The following SLC17A5 variants were observed in gnomAD, a reference collection of about 807,000 sequenced individuals.
The protein encoded by SLC17A5 is sialin.
In SLC17A5, 47 loss-of-function variants were observed where a neutral mutation model predicts 59.4. That is an observed-to-expected ratio of 0.79 (90% confidence interval 0.63 to 1.01). The LOEUF is 1.01. SLC17A5 is among the 50% of genes least tolerant of loss of function. SLC17A5 has a pLI of 0.00. For missense variants in SLC17A5, 522 were observed against 595.5 expected, an observed-to-expected ratio of 0.88 and a Z score of 1.28; for synonymous variants, 202 against 210.7, an observed-to-expected ratio of 0.96 and a Z score of 0.36.
chr6:73,596,652 C>T (rs1247857712), intron 10 of SLC17A5, among the ~76,000 whole-genome samples: 4 of 150,712 alleles, frequency 2.7e-5, no homozygotes, highest in South Asian at 4.2e-4. Flanking sequence ...GTCAGGAGAT[C>T]GAGACCATCC....
At chr6:73,615,503 T>C (rs1767814875) in intron 7 of SLC17A5, 56 bp from the exon 8 acceptor site, 1 of 1,568,090 alleles carries the variant, frequency 6.4e-7, no homozygotes, top group Non-Finnish European at 8.8e-7. Context: ...AAACAAAACA[T>C]ACACATTCAT....
At chr6:73,618,103 C>A (rs1362166967) in intron 7 of SLC17A5, among the ~76,000 whole-genome samples, 1 of 151,682 alleles carries the variant, frequency 6.6e-6, no homozygotes, top group East Asian at 1.9e-4. Context: ...GTGGCACACA[C>A]CTGAAATCTC....
intron 9 of SLC17A5, among the ~76,000 whole-genome samples, chr6:73,603,147 T>G (rs1182149386): frequency 6.6e-6 from 1 of 152,164 alleles, no homozygotes; most frequent in African/African-American, 2.4e-5. Context: ...ATTACATTTT[T>G]TTTTTTGAGA....
chr6:73,608,775 G>C (rs1276106474), intron 9 of SLC17A5, among the ~76,000 whole-genome samples: 2 of 152,162 alleles, frequency 1.3e-5, no homozygotes, highest in African/African-American at 2.4e-5. Flanking sequence ...TAGCACTTCG[G>C]GGGGCTGAGG....
At chr6:73,640,876 A>G (rs1233225866) in intron 3 of SLC17A5, among the ~76,000 whole-genome samples, 2 of 152,238 alleles carry the variant, frequency 1.3e-5, no homozygotes, top group Non-Finnish European at 2.9e-5. Context: ...GCAGAATCAT[A>G]GAACTAAATT....
intron 8 of SLC17A5, among the ~76,000 whole-genome samples, chr6:73,612,528 T>TA (rs1265626489): frequency 6.6e-6 from 1 of 152,178 alleles, no homozygotes; most frequent in Non-Finnish European, 1.5e-5. Context: ...TGGAGACTTT[T>TA]AAAAAGTTAA....
chr6:73,612,163 C>A, intron 8 of SLC17A5, among the ~76,000 whole-genome samples: 1 of 151,534 alleles, frequency 6.6e-6, no homozygotes, highest in Non-Finnish European at 1.5e-5. Context: ...AAGGCATGTG[C>A]CACCATGCCT....
intron 7 of SLC17A5, among the ~76,000 whole-genome samples, chr6:73,620,155 T>A (rs1370740461): frequency 6.6e-6 from 1 of 152,092 alleles, no homozygotes; most frequent in Non-Finnish European, 1.5e-5. Context: ...ACTCCTGACC[T>A]CAAGTGATCC....
chr6:73,649,815 T>A (rs889361675), intron 1 of SLC17A5, among the ~76,000 whole-genome samples: 10 of 152,080 alleles, frequency 6.6e-5, no homozygotes, highest in African/African-American at 2.4e-4. Context: ...TTAGTTCTCA[T>A]TTGTGAGAAA....
At position 73,641,685 on chromosome 6, in the gene SLC17A5, A is replaced by G. The variant is rs1010125289; in HGVS notation, c.525+6T>C. The G allele has an allele frequency of 2.3e-5, 36 of 1,581,404 alleles. No individual in the cohort carries two copies. Among genetic ancestry groups the G allele is most frequent in the Non-Finnish European group, 3.0e-5 (35 of 1,157,094 alleles). ...AGAAGTAAAACAAGAGAGAAAAGAA[A>G]ATTACCTCTCCTAGTCCTTCTAGTG... On this transcript the variant is annotated splice_donor_region_variant and intron_variant, in intron 3 of 10. Coordinates refer to ENST00000355773, the MANE Select transcript of SLC17A5 (RefSeq NM_012434.5).
chr6:73,641,881 A>C lies in SLC17A5; in HGVS notation c.335T>G (p.Leu112Arg). Reference protein sequence around the residue: ...QWDAETQGWILGSFFYGYIIT... With the variant: ...QWDAETQGWIRGSFFYGYIIT... ...GATGTAGCCATAAAAAAAGGAACCG[A>C]GAATCCATCCTTGAGTTTCTGCATC... Residue 112 changes from leucine (L) to arginine (R), a missense_variant, in exon 3 of 11, where the codon CTC becomes CGC. Leu to Arg is a moderately radical substitution (Grantham distance 102). Coordinates refer to ENST00000355773, the MANE Select transcript of SLC17A5 (RefSeq NM_012434.5). The C allele has an allele frequency of 6.2e-7, 1 of 1,614,228 alleles. No individual in the cohort carries two copies.
intron 9 of SLC17A5, among the ~76,000 whole-genome samples, chr6:73,608,779 G>A (rs1205457366): frequency 1.3e-5 from 2 of 152,192 alleles, no homozygotes; most frequent in Non-Finnish European, 2.9e-5. Context: ...ACTTCGGGGG[G>A]CTGAGGCGGG....
intron 6 of SLC17A5, among the ~76,000 whole-genome samples, chr6:73,622,355 G>A (rs1283326435): frequency 1.3e-5 from 2 of 150,572 alleles, no homozygotes; most frequent in African/African-American, 2.4e-5. Flanking sequence ...AGGCTGGAGT[G>A]CAATGGCACA....
intron 10 of SLC17A5, among the ~76,000 whole-genome samples, chr6:73,597,862 G>A (rs1282109386): frequency 2.0e-5 from 3 of 151,846 alleles, no homozygotes; most frequent in Middle Eastern, 3.4e-3. Context: ...TGAAAGAGAA[G>A]GCACTGGGAA....
chr6:73,635,599 T>C, intron 5 of SLC17A5, 99 bp from the exon 6 acceptor site: 1 of 638,372 alleles, frequency 1.6e-6, no homozygotes, highest in South Asian at 1.9e-5. Context: ...AACAACAATT[T>C]TTACATGTCT....
In SLC17A5 at chr6:73,653,881, C is replaced by A; in HGVS notation, c.6G>T (p.Arg2Ser). Reference protein sequence around the residue: MRSPVRDLARND... With the variant: MSSPVRDLARND... ...TCCGGGCCAGGTCTCGAACCGGAGACCTCATGACGCCTACGTGAGCAGGTG... is the reference window on the plus strand; with the variant it reads ...TCCGGGCCAGGTCTCGAACCGGAGAACTCATGACGCCTACGTGAGCAGGTG... Residue 2 changes from arginine to serine, a missense_variant, in exon 1 of 11, where the codon AGG becomes AGT. Transcript: ENST00000355773. 1 of 1,605,350 alleles carries A rather than the reference C, an allele frequency of 6.2e-7. No individual in the cohort carries two copies. The highest frequency in any genetic ancestry group is 8.5e-7 in the Non-Finnish European group (1 of 1,176,598).
intron 8 of SLC17A5, 86 bp downstream of exon 8, chr6:73,615,229 G>A: frequency 6.8e-7 from 1 of 1,459,874 alleles, no homozygotes; most frequent in Non-Finnish European, 9.6e-7. Context: ...GTAAAAGTGG[G>A]AAACACACTT....
At chr6:73,626,814 C>T (rs564364) in intron 6 of SLC17A5, among the ~76,000 whole-genome samples, 24,861 of 152,148 alleles carry the variant, frequency 0.16, 3,141 homozygotes, top group African/African-American at 0.35. Context: ...CTCTGTTGCC[C>T]AGGCTGGAGT....
chr6:73,594,978 A>G lies in SLC17A5; in HGVS notation c.*99T>C, dbSNP rs1453847180. On this transcript the variant is annotated 3_prime_UTR_variant, in exon 11 of 11. Coordinates refer to ENST00000355773, the MANE Select transcript of SLC17A5 (RefSeq NM_012434.5). ...TTAAAAATCTAATACAAGTACAATT[A>G]AAAAAAGACATAGAATGCTTACACA... The G allele has an allele frequency of 7.6e-7, 1 of 1,310,746 alleles. No homozygotes were observed. The highest frequency in any genetic ancestry group is 1.1e-6 in the Non-Finnish European group (1 of 912,984). 81.2% of individuals were successfully genotyped at this position (1,310,746 alleles called of 1,614,324 possible).
Sources: allele counts gnomAD v4.1 joint callset (sites outside exome capture counted in the v4.1 genomes callset), GRCh38; gene constraint gnomAD v4.1.1; transcripts MANE v1.5; gene names NCBI Gene and HGNC (gene_info 2026-07-23, HGNC 2026-07-21).